EXT1: variants seen among roughly 807,000 people sequenced by gnomAD.
EXT1 encodes exostosin glycosyltransferase 1.
Under a neutral mutation model 82.5 loss-of-function variants are expected in EXT1, and 20 were observed. That is an observed-to-expected ratio of 0.24 (90% confidence interval 0.17 to 0.35). The LOEUF (loss-of-function observed/expected upper bound fraction) is 0.35. EXT1 is among the 10% of genes least tolerant of loss of function. The probability of loss-of-function intolerance (pLI) is 1.00; values close to 1 mark genes in which losing one functional copy is unlikely to be tolerated. For synonymous variants in EXT1, 348 were observed against 350.8 expected, an observed-to-expected ratio of 0.99 and a Z score of 0.09; for missense variants, 757 against 936.5, an observed-to-expected ratio of 0.81 and a Z score of 2.50.
chr8:118,032,120 T>G (rs17453875), intron 1 of EXT1, among the ~76,000 whole-genome samples: 3 of 44,800 alleles, frequency 6.7e-5, no homozygotes, highest in African/African-American at 1.8e-4. Flanking sequence ...GTTTTGGCCA[T>G]TACTCAATGG....
intron 1 of EXT1, among the ~76,000 whole-genome samples, chr8:117,865,086 C>T (rs1257384753): frequency 6.6e-6 from 1 of 152,146 alleles, no homozygotes; most frequent in Non-Finnish European, 1.5e-5. Context: ...TCCATACAAA[C>T]ACTTGTTGAT....
intron 1 of EXT1, among the ~76,000 whole-genome samples, chr8:118,107,128 C>T (rs1253065846): frequency 6.6e-6 from 1 of 152,120 alleles, no homozygotes; most frequent in Non-Finnish European, 1.5e-5. Flanking sequence ...CCAAAAGCAA[C>T]CTTTTTTTAG....
intron 7 of EXT1, among the ~76,000 whole-genome samples, chr8:117,813,994 A>G (rs998335513): frequency 1.3e-5 from 2 of 151,816 alleles, no homozygotes; most frequent in African/African-American, 4.8e-5. Flanking sequence ...TGACAGAGTG[A>G]GACTCTGTCT....
chr8:117,813,922 C>G (rs1486905616), intron 7 of EXT1, among the ~76,000 whole-genome samples: 1 of 151,970 alleles, frequency 6.6e-6, no homozygotes, highest in Admixed American at 6.6e-5. Context: ...AGGAGAATCA[C>G]TTGAACCCGG....
chr8:118,048,959 G>C (rs1417739921), intron 1 of EXT1, among the ~76,000 whole-genome samples: 1 of 152,012 alleles, frequency 6.6e-6, no homozygotes, highest in Non-Finnish European at 1.5e-5. Context: ...TAAAATTCCA[G>C]ACTATCGTCA....
chr8:117,934,998 A>C (rs747911796), intron 1 of EXT1, among the ~76,000 whole-genome samples: 2 of 152,198 alleles, frequency 1.3e-5, no homozygotes, highest in Non-Finnish European at 2.9e-5. Context: ...CATAAGAAAG[A>C]AAGCATGTGA....
At chr8:117,976,353 C>G (rs6999997) in intron 1 of EXT1, among the ~76,000 whole-genome samples, 1 of 152,062 alleles carries the variant, frequency 6.6e-6, no homozygotes, top group East Asian at 1.9e-4. Context: ...ATAAATAGTC[C>G]CAAACTGGAG....
intron 1 of EXT1, among the ~76,000 whole-genome samples, chr8:117,856,869 G>A (rs549457126): frequency 3.3e-5 from 5 of 152,296 alleles, no homozygotes; most frequent in Admixed American, 2.0e-4. Flanking sequence ...GTAAAGGTTT[G>A]GAAGGACAGG....
intron 1 of EXT1, among the ~76,000 whole-genome samples, chr8:118,007,251 C>A (rs141878999): frequency 6.6e-6 from 1 of 151,780 alleles, no homozygotes; most frequent in African/African-American, 2.4e-5. Context: ...GAGCTGAGAT[C>A]GCGCCACTGC....
At chr8:118,055,468 T>C (rs1479514176) in intron 1 of EXT1, among the ~76,000 whole-genome samples, 1 of 152,244 alleles carries the variant, frequency 6.6e-6, no homozygotes, top group East Asian at 1.9e-4. Context: ...CACCATTCTC[T>C]TTAAAATCCA....
chr8:117,797,360 T>G lies in EXT1; in HGVS notation c.*2352A>C, dbSNP rs1292357009. ...TGTTATATCCTGTTCTTATTTATAA[T>G]TACCATTTTTCTTCACATAACACAT... is the stretch of plus-strand genomic sequence containing the variant. On this transcript the variant is annotated 3_prime_UTR_variant, in exon 11 of 11. Transcript: ENST00000378204. The G allele has an allele frequency of 2.0e-5, 3 of 152,244 alleles. No homozygotes were observed. The highest frequency in any genetic ancestry group is 4.4e-5 in the Non-Finnish European group (3 of 68,050). The allele number at this position is 152,244 out of a possible 1,614,324, so 9.4% of individuals were successfully genotyped here.
At chr8:118,051,553 A>C (rs1195207033) in intron 1 of EXT1, among the ~76,000 whole-genome samples, 5 of 152,224 alleles carry the variant, frequency 3.3e-5, no homozygotes, top group Non-Finnish European at 5.9e-5. Context: ...CAAAGTAAAG[A>C]GAAAGTCCTG....
intron 8 of EXT1, among the ~76,000 whole-genome samples, chr8:117,810,510 A>T (rs1368059105): frequency 1.3e-5 from 2 of 152,210 alleles, no homozygotes. Flanking sequence ...CTATTCTTTG[A>T]AAAGAAATTC....
chr8:117,969,151 C>A (rs1307193058), intron 1 of EXT1, among the ~76,000 whole-genome samples: 1 of 152,156 alleles, frequency 6.6e-6, no homozygotes, highest in East Asian at 1.9e-4. Context: ...TTATGAGAAG[C>A]CCCATTATTT....
chr8:117,819,433 C>T (rs1236792079), intron 6 of EXT1, among the ~76,000 whole-genome samples: 1 of 152,176 alleles, frequency 6.6e-6, no homozygotes, highest in African/African-American at 2.4e-5. Flanking sequence ...TACTTTTTAA[C>T]TCTATACCAG....
At position 118,074,626 on chromosome 8, in the gene EXT1, C is replaced by T. The variant is rs191544596; in HGVS notation, c.962+35459G>A. Among the ~76,000 whole-genome samples, 79 of 144,018 alleles carry T rather than the reference C, an allele frequency of 5.5e-4. 1 individual carries two copies. In the East Asian group the frequency reaches 0.014, roughly 26 times the overall value. The allele number at this position is 144,018 out of a possible 152,430, so 94.5% of individuals were successfully genotyped here. A position where few individuals can be genotyped will look rare whatever the true frequency, so the allele number is the denominator to read the frequency against. On this transcript the variant is annotated intron_variant, in intron 1 of 10. Transcript: ENST00000378204. ...GGGTGAGAACATTGAATTGAGCGAG[C>T]CCGGGGCTTTGGGATCCGGCCAAGG...
Position 117,799,882 on chromosome 8 carries a change from G to A in EXT1, c.2071C>T (p.Arg691Cys), listed in dbSNP as rs1586987089. ...TMMGQTSRAS[R>C]WADPDHFAQR... The stretch of plus-strand genomic sequence containing the variant: ...GCAAAGTGGTCAGGGTCAGCCCAAC[G>A]GGAAGCCCGAGAAGTCTAGGGAGAA... The change falls in exon 11 of 11, where the codon CGT (arginine) becomes TGT (cysteine). Residue 691 changes from arginine to cysteine, a missense_variant. Arg to Cys is a radical substitution (Grantham distance 180). Coordinates refer to ENST00000378204, the MANE Select transcript of EXT1 (RefSeq NM_000127.3). The A allele has an allele frequency of 4.3e-6, 7 of 1,614,018 alleles. No individual in the cohort carries two copies. Among genetic ancestry groups the A allele is most frequent in the African/African-American group, 1.3e-5 (1 of 75,024 alleles).
chr8:117,973,208 A>G (rs1814976084), intron 1 of EXT1, among the ~76,000 whole-genome samples: 1 of 152,196 alleles, frequency 6.6e-6, no homozygotes, highest in African/African-American at 2.4e-5. Context: ...TCATGAAACA[A>G]TAAACTGATG....
In EXT1 at chr8:117,861,526, G is replaced by GTGTTTT. The variant is rs1221699841; in HGVS notation, c.963-24326_963-24325insAAAACA. On this transcript the variant is annotated intron_variant, in intron 1 of 10. Coordinates refer to ENST00000378204, the MANE Select transcript of EXT1 (RefSeq NM_000127.3). ...TTTTTTTTTTTTGAGATAGAGTCTT[G>GTGTTTT]CTCTGTCACCCAGGCTGGAGGGCAG... Among the ~76,000 whole-genome samples, 72 of 82,890 alleles carry GTGTTTT rather than the reference G, an allele frequency of 8.7e-4. 4 individuals carry two copies. The highest frequency in any genetic ancestry group is 0.016 in the Middle Eastern group (1 of 62). The allele number at this position is 82,890 out of a possible 152,430, so 54.4% of individuals were successfully genotyped here. A position where few individuals can be genotyped will look rare whatever the true frequency, so the allele number is the denominator to read the frequency against.
Sources: allele counts gnomAD v4.1 joint callset (sites outside exome capture counted in the v4.1 genomes callset), GRCh38; gene constraint gnomAD v4.1.1; transcripts MANE v1.5; gene names NCBI Gene and HGNC (gene_info 2026-07-23, HGNC 2026-07-21).